The following CACNA2D3 variants were observed in gnomAD, a reference collection of about 807,000 sequenced individuals.
CACNA2D3 encodes the protein voltage-dependent calcium channel subunit alpha-2/delta-3.
A neutral mutation model predicts 160.6 loss-of-function variants in CACNA2D3; 60 were observed. The observed-to-expected ratio is 0.37, with a 90% confidence interval of 0.30 to 0.46. CACNA2D3 has a LOEUF of 0.46. Ranked by LOEUF, CACNA2D3 falls within the 20% of genes least tolerant of loss-of-function variation. CACNA2D3 has a pLI of 1.00. For synonymous variants in CACNA2D3, 558 were observed against 492.9 expected (o/e 1.13, Z -1.75); for missense variants, 1,205 against 1,365.0 (o/e 0.88, Z 1.85).
At chr3:54,763,861 A>ATATACG (rs1559573954) in intron 12 of CACNA2D3, among the ~76,000 whole-genome samples, 1 of 28,466 alleles carries the variant, frequency 3.5e-5, no homozygotes, top group Admixed American at 3.5e-4. Context: ...ATATATACAT[A>ATATACG]TATATATACG....
rs186342682 is a variant in CACNA2D3, at chr3:54,873,619, G to A, written c.1710+1997G>A. On this transcript the variant is annotated intron_variant, in intron 18 of 37. Coordinates refer to ENST00000474759, the MANE Select transcript of CACNA2D3 (RefSeq NM_018398.3). ...GCATTGGATTCGCAGCCTCACGTGTGTGTTCTTCACCTCCACATGACACCC... is the reference window on the plus strand; with the variant it reads ...GCATTGGATTCGCAGCCTCACGTGTATGTTCTTCACCTCCACATGACACCC... 2.0e-5 allele frequency among the ~76,000 whole-genome samples: 3 copies of A among 152,244 alleles called. No individual in the cohort carries two copies. The East Asian group carries it at 5.8e-4, about 29-fold the overall frequency.
intron 4 of CACNA2D3, among the ~76,000 whole-genome samples, chr3:54,420,161 T>G (rs1398354810): frequency 1.3e-5 from 2 of 152,022 alleles, no homozygotes; most frequent in African/African-American, 4.8e-5. Context: ...CTCAGCTCAT[T>G]GCACCCTCCG....
intron 27 of CACNA2D3, among the ~76,000 whole-genome samples, chr3:54,903,495 G>A (rs1258347640): frequency 5.3e-5 from 8 of 152,234 alleles, no homozygotes; most frequent in African/African-American, 1.9e-4. Flanking sequence ...CTTTGCTATT[G>A]TGAATAGTGC....
intron 2 of CACNA2D3, among the ~76,000 whole-genome samples, chr3:54,244,043 T>C (rs1417584272): frequency 2.6e-5 from 4 of 152,214 alleles, no homozygotes; most frequent in African/African-American, 9.6e-5. Context: ...TGATAGCACC[T>C]TCTCCCTCAG....
chr3:54,822,787 T>TTTCTTTCTTTCC (rs1553874250), intron 14 of CACNA2D3, among the ~76,000 whole-genome samples: 26 of 70,646 alleles, frequency 3.7e-4, no homozygotes, highest in African/African-American at 4.8e-4. Flanking sequence ...TCTTTCTTTC[T>TTTCTTTCTTTCC]TTCCTTTCTT....
chr3:54,522,837 T>C (rs1701665357), intron 5 of CACNA2D3, among the ~76,000 whole-genome samples: 3 of 152,188 alleles, frequency 2.0e-5, no homozygotes. Context: ...GTCTCATCTC[T>C]CAACACTGTT....
At chr3:54,378,797 G>C (rs1282165745) in intron 3 of CACNA2D3, among the ~76,000 whole-genome samples, 1 of 152,190 alleles carries the variant, frequency 6.6e-6, no homozygotes, top group African/African-American at 2.4e-5. Flanking sequence ...TGGTCCTTGG[G>C]CAGCCCTTTG....
intron 2 of CACNA2D3, among the ~76,000 whole-genome samples, chr3:54,253,247 T>G (rs951330098): frequency 2.0e-5 from 3 of 152,170 alleles, no homozygotes; most frequent in African/African-American, 7.2e-5. Context: ...TGTTCTCACC[T>G]TGCTATAAAG....
intron 9 of CACNA2D3, among the ~76,000 whole-genome samples, chr3:54,625,987 A>G (rs185545706): frequency 1.3e-5 from 2 of 150,580 alleles, no homozygotes; most frequent in East Asian, 3.9e-4. Flanking sequence ...GCGTGGTAAG[A>G]GAAAGAAAGC....
At chr3:54,163,075 G>A (rs979107736) in intron 2 of CACNA2D3, among the ~76,000 whole-genome samples, 4 of 152,208 alleles carry the variant, frequency 2.6e-5, no homozygotes, top group African/African-American at 9.7e-5. Context: ...AGACCAGTGT[G>A]GCTGGAACAC....
At chr3:54,244,726 T>C (rs180972056) in intron 2 of CACNA2D3, among the ~76,000 whole-genome samples, 23 of 152,382 alleles carry the variant, frequency 1.5e-4, no homozygotes, top group African/African-American at 5.0e-4. Context: ...CATTTTAATA[T>C]TTAAATCAAA....
At chr3:54,312,875 C>G (rs1028592579) in intron 2 of CACNA2D3, among the ~76,000 whole-genome samples, 3 of 152,198 alleles carry the variant, frequency 2.0e-5, no homozygotes, top group African/African-American at 4.8e-5. Context: ...CACAGGCTGC[C>G]TTGCTGGGGC....
intron 4 of CACNA2D3, among the ~76,000 whole-genome samples, chr3:54,428,929 C>T (rs553907752): frequency 6.6e-6 from 1 of 152,252 alleles, no homozygotes; most frequent in Middle Eastern, 3.4e-3. Context: ...TCTGTCTTAC[C>T]ATTGGGGCTT....
rs76225767 is a variant in CACNA2D3 at position 54,955,749 on chromosome 3, G to T, written c.2450-12701G>T. 2.0e-5 allele frequency among the ~76,000 whole-genome samples: 3 copies of T among 152,194 alleles called. No homozygotes were observed. In the East Asian group the frequency reaches 5.8e-4, roughly 30 times the overall value. On this transcript the variant is annotated intron_variant, in intron 27 of 37. Coordinates refer to ENST00000474759, the MANE Select transcript of CACNA2D3 (RefSeq NM_018398.3). Reference sequence around the variant, plus strand: ...ACCGAGGGGGCTTTTTTGGGTATTGGCCCTGCTGAGAAGGAGTTGGAGTTG... The same window carrying T: ...ACCGAGGGGGCTTTTTTGGGTATTGTCCCTGCTGAGAAGGAGTTGGAGTTG...
At chr3:54,305,995 A>G (rs1411760811) in intron 2 of CACNA2D3, among the ~76,000 whole-genome samples, 1 of 152,204 alleles carries the variant, frequency 6.6e-6, no homozygotes, top group Non-Finnish European at 1.5e-5. Flanking sequence ...TAATGCACCC[A>G]TGAAGAAACA....
At chr3:54,895,535 C>G (rs1474472363) in intron 25 of CACNA2D3, among the ~76,000 whole-genome samples, 1 of 152,196 alleles carries the variant, frequency 6.6e-6, no homozygotes, top group African/African-American at 2.4e-5. Context: ...CTTTCCTGAA[C>G]TGGGTGCCAA....
At chr3:54,202,914 G>T (rs1701204161) in intron 2 of CACNA2D3, among the ~76,000 whole-genome samples, 1 of 152,202 alleles carries the variant, frequency 6.6e-6, no homozygotes, top group South Asian at 2.1e-4. Flanking sequence ...GCTTAGGGGA[G>T]AGTGTATGTT....
intron 2 of CACNA2D3, among the ~76,000 whole-genome samples, chr3:54,286,936 A>T (rs537377713): frequency 2.2e-4 from 33 of 152,346 alleles, no homozygotes; most frequent in Non-Finnish European, 4.6e-4. Flanking sequence ...AGCACTAAAC[A>T]TGGAAAGGAA....
intron 2 of CACNA2D3, among the ~76,000 whole-genome samples, chr3:54,180,120 A>ATTTCTTC (rs1700756850): frequency 7.6e-6 from 1 of 131,180 alleles, no homozygotes; most frequent in Non-Finnish European, 1.6e-5. Flanking sequence ...TTTTTGTTAA[A>ATTTCTTC]CCTTATTTGG....
Sources: allele counts gnomAD v4.1 joint callset (sites outside exome capture counted in the v4.1 genomes callset), GRCh38; gene constraint gnomAD v4.1.1; transcripts MANE v1.5; gene names NCBI Gene and HGNC (gene_info 2026-07-23, HGNC 2026-07-21).